Variants in ADAMTSL1 observed in about 807,000 individuals in gnomAD.
ADAMTSL1 encodes ADAMTS-like protein 1.
Under a neutral mutation model 201.8 loss-of-function variants are expected in ADAMTSL1, and 126 were observed. The observed-to-expected ratio is 0.62, with a 90% CI of 0.54 to 0.72. The LOEUF is 0.72. Among genes scored for constraint, ADAMTSL1 ranks in the 30% least tolerant of loss-of-function variants. ADAMTSL1 has a pLI of 0.00. For synonymous variants in ADAMTSL1, 1,121 were observed against 903.4 expected, an observed-to-expected ratio of 1.24 and a Z score of -4.32; for missense variants, 2,679 against 2,277.8, an observed-to-expected ratio of 1.18 and a Z score of -3.59.
rs373480327 is a variant in ADAMTSL1, at chr9:18,777,199, G to A, written c.2970G>A (p.Glu990=). The part of the protein sequence containing the change: ...VLAGRKGGPK[E]ALQTHKHQNG... ...CGGGGAGGAAGGGCGGCCCGAAGGA[G>A]GCCCTGCAGACCCACAAACACCAGA... is the stretch of plus-strand genomic sequence containing the variant. Residue 990 remains glutamate (E), a synonymous_variant, in exon 19 of 29, where the codon GAG becomes GAA. Transcript: ENST00000380548. 6 of 1,612,754 alleles carry A rather than the reference G, an allele frequency of 3.7e-6. No homozygotes were observed. The highest frequency in any genetic ancestry group is 4.2e-6 in the Non-Finnish European group (5 of 1,179,818).
At chr9:18,599,963 T>G (rs766551291) in intron 4 of ADAMTSL1, among the ~76,000 whole-genome samples, 2 of 115,720 alleles carry the variant, frequency 1.7e-5, no homozygotes, top group South Asian at 5.4e-4. Context: ...TCATCCTGGC[T>G]AACATGGTGA....
intron 1 of ADAMTSL1, among the ~76,000 whole-genome samples, chr9:17,978,704 T>G (rs1187040939): frequency 6.6e-6 from 1 of 152,172 alleles, no homozygotes; most frequent in Admixed American, 6.5e-5. Flanking sequence ...TAAAAATGAC[T>G]TACATTATTA....
intron 1 of ADAMTSL1, among the ~76,000 whole-genome samples, chr9:18,112,025 A>G (rs1258316592): frequency 2.0e-5 from 3 of 152,182 alleles, no homozygotes; most frequent in Admixed American, 6.6e-5. Flanking sequence ...TCAGTGTTCC[A>G]GAGCACCAGG....
intron 23 of ADAMTSL1, among the ~76,000 whole-genome samples, chr9:18,865,042 CTCTT>C (rs1267447488): frequency 6.6e-6 from 1 of 151,818 alleles, no homozygotes; most frequent in East Asian, 1.9e-4. Flanking sequence ...TTTTTCCAGT[CTCTT>C]TTTTTAATTA....
chr9:18,682,366 C>G (rs1437593514), intron 12 of ADAMTSL1, among the ~76,000 whole-genome samples: 2 of 152,124 alleles, frequency 1.3e-5, no homozygotes, highest in African/African-American at 2.4e-5. Flanking sequence ...TGGGAAGTCT[C>G]ATACTTCAAA....
chr9:18,669,936 G>T (rs1015637643), intron 9 of ADAMTSL1, among the ~76,000 whole-genome samples: 1 of 152,098 alleles, frequency 6.6e-6, no homozygotes, highest in Admixed American at 6.6e-5. Context: ...AGCCTCTCAG[G>T]TGATCCTTTT....
At chr9:18,420,726 T>C (rs1818906592) in intron 2 of ADAMTSL1, among the ~76,000 whole-genome samples, 1 of 152,244 alleles carries the variant, frequency 6.6e-6, no homozygotes, top group South Asian at 2.1e-4. Context: ...GGAAGCTCTT[T>C]ACAGTTTGCT....
intron 2 of ADAMTSL1, among the ~76,000 whole-genome samples, chr9:18,290,916 G>T: frequency 6.6e-6 from 1 of 151,928 alleles, no homozygotes; most frequent in East Asian, 1.9e-4. Flanking sequence ...CAAGTAGCTG[G>T]GACTACAGGT....
At chr9:17,998,864 A>G (rs1303426965) in intron 1 of ADAMTSL1, among the ~76,000 whole-genome samples, 1 of 152,048 alleles carries the variant, frequency 6.6e-6, no homozygotes, top group East Asian at 1.9e-4. Flanking sequence ...AGAGGAGACA[A>G]CAGAAATCAA....
chr9:18,196,900 C>G (rs1411023223), intron 2 of ADAMTSL1, among the ~76,000 whole-genome samples: 3 of 152,072 alleles, frequency 2.0e-5, no homozygotes, highest in African/African-American at 7.2e-5. Flanking sequence ...CAAGTGTCCC[C>G]TCCTCAAAGA....
intron 1 of ADAMTSL1, among the ~76,000 whole-genome samples, chr9:17,948,424 G>T (rs1827598602): frequency 1.3e-5 from 2 of 152,206 alleles, no homozygotes; most frequent in Non-Finnish European, 2.9e-5. Flanking sequence ...GGTTTGGGGA[G>T]CAGCTTAGAA....
At chr9:18,305,365 C>T in intron 2 of ADAMTSL1, among the ~76,000 whole-genome samples, 1 of 152,178 alleles carries the variant, frequency 6.6e-6, no homozygotes, top group Non-Finnish European at 1.5e-5. Context: ...GAATCGTTCA[C>T]TCTCCTAGAA....
At chr9:18,191,990 T>G (rs867423769) in intron 2 of ADAMTSL1, among the ~76,000 whole-genome samples, 6 of 152,194 alleles carry the variant, frequency 3.9e-5, no homozygotes, top group African/African-American at 1.4e-4. Flanking sequence ...GATCTTCTTG[T>G]AATGAAATAC....
chr9:18,517,725 ATGTCCCT>A (rs1818449430), intron 2 of ADAMTSL1, among the ~76,000 whole-genome samples: 1 of 152,212 alleles, frequency 6.6e-6, no homozygotes, highest in South Asian at 2.1e-4. Context: ...AATTTCATCC[ATGTCCCT>A]ATCATTTTTT....
At chr9:18,825,076 G>C (rs987570290) in intron 21 of ADAMTSL1, among the ~76,000 whole-genome samples, 4 of 152,152 alleles carry the variant, frequency 2.6e-5, no homozygotes, top group Non-Finnish European at 5.9e-5. Flanking sequence ...TCAGCAGGCT[G>C]AGTTGTGTAG....
intron 3 of ADAMTSL1, among the ~76,000 whole-genome samples, chr9:18,536,430 C>T (rs899130131): frequency 2.8e-5 from 4 of 144,274 alleles, no homozygotes; most frequent in Non-Finnish European, 6.1e-5. Flanking sequence ...TAGAAAACAT[C>T]TCCCCAGTTT....
chr9:18,029,269 T>C (rs1336016922), intron 1 of ADAMTSL1, among the ~76,000 whole-genome samples: 1 of 152,026 alleles, frequency 6.6e-6, no homozygotes, highest in African/African-American at 2.4e-5. Flanking sequence ...CCTGCCTCAT[T>C]GCCCTGGCCA....
chr9:18,844,979 C>G (rs1825999637), intron 23 of ADAMTSL1, among the ~76,000 whole-genome samples: 2 of 152,208 alleles, frequency 1.3e-5, no homozygotes, highest in South Asian at 4.1e-4. Flanking sequence ...CTCCCTGACC[C>G]CTTGCGCTTC....
At chr9:18,564,125 C>A (rs1427789901) in intron 3 of ADAMTSL1, among the ~76,000 whole-genome samples, 2 of 152,162 alleles carry the variant, frequency 1.3e-5, no homozygotes, top group Non-Finnish European at 2.9e-5. Context: ...TGCTTGAAAC[C>A]CTGGGCCCTG....
Sources: gnomAD v4.1 joint callset for allele counts (sites outside exome capture counted in the v4.1 genomes callset) on GRCh38, gnomAD v4.1.1 for gene constraint, MANE v1.5 for transcripts, NCBI Gene and HGNC (gene_info 2026-07-23, HGNC 2026-07-21) for gene names.